CSMD1: variants seen among roughly 807,000 people sequenced by gnomAD.
The protein encoded by CSMD1 is CUB and Sushi multiple domains 1, also known as CUB and sushi domain-containing protein 1.
A neutral mutation model predicts 417.5 loss-of-function variants in CSMD1; 213 were observed. The ratio of observed to expected loss-of-function variants is 0.51; its 90% CI spans 0.46 to 0.57. CSMD1 has a LOEUF of 0.57. Among genes scored for constraint, CSMD1 ranks in the 20% least tolerant of loss-of-function variants. The pLI, the probability that CSMD1 is intolerant of heterozygous loss-of-function variation, is 0.00. For synonymous variants in CSMD1, 2,862 were observed against 1,736.8 expected (o/e 1.65, Z -16.11); for missense variants, 6,923 against 4,529.7 (o/e 1.53, Z -15.17).
intron 3 of CSMD1, among the ~76,000 whole-genome samples, chr8:4,054,019 T>C (rs1410400601): frequency 6.6e-6 from 1 of 152,204 alleles, no homozygotes; most frequent in East Asian, 1.9e-4. Flanking sequence ...TTCCCCAACA[T>C]GGCCACAGCT....
At chr8:3,723,098 A>G (rs968968982) in intron 6 of CSMD1, among the ~76,000 whole-genome samples, 2 of 152,112 alleles carry the variant, frequency 1.3e-5, no homozygotes, top group Non-Finnish European at 1.5e-5. Context: ...CCTTTTTGAC[A>G]TTCAGTCAGG....
At chr8:4,318,530 G>A (rs1002985891) in intron 3 of CSMD1, among the ~76,000 whole-genome samples, 3 of 152,004 alleles carry the variant, frequency 2.0e-5, no homozygotes, top group Non-Finnish European at 4.4e-5. Flanking sequence ...AGTAAGTACT[G>A]ATTAATAAAG....
chr8:3,554,006 TTTTA>T (rs1799031726), intron 10 of CSMD1, among the ~76,000 whole-genome samples: 1 of 151,724 alleles, frequency 6.6e-6, no homozygotes, highest in South Asian at 2.1e-4. Context: ...CTAGGACTGA[TTTTA>T]TTTTTCAAAA....
intron 28 of CSMD1, among the ~76,000 whole-genome samples, chr8:3,221,802 C>A (rs767810487): frequency 6.6e-6 from 1 of 152,118 alleles, no homozygotes; most frequent in Non-Finnish European, 1.5e-5. Context: ...ATGGAACATC[C>A]TCTCTCATCC....
At chr8:3,399,292 A>C (rs1009642984) in intron 16 of CSMD1, 99 bp downstream of exon 16, 21 of 1,216,940 alleles carry the variant, frequency 1.7e-5, no homozygotes, top group Non-Finnish European at 2.4e-5. Flanking sequence ...GCGGGAACCG[A>C]AAAAAACTGC....
chr8:3,229,026 A>G (rs968454099), intron 27 of CSMD1, among the ~76,000 whole-genome samples: 2 of 152,162 alleles, frequency 1.3e-5, no homozygotes, highest in African/African-American at 2.4e-5. Flanking sequence ...AAGGACAGCT[A>G]TCCAACCTCA....
At chr8:4,854,489 C>G (rs1036406108) in intron 1 of CSMD1, among the ~76,000 whole-genome samples, 2 of 151,910 alleles carry the variant, frequency 1.3e-5, no homozygotes, top group African/African-American at 4.8e-5. Flanking sequence ...TTCTGTATTT[C>G]CATCTGAGGT....
At chr8:3,248,257 A>G (rs138470540) in intron 26 of CSMD1, among the ~76,000 whole-genome samples, 9 of 152,332 alleles carry the variant, frequency 5.9e-5, no homozygotes, top group East Asian at 1.9e-4. Context: ...TTAACTTGCA[A>G]TTAGGGTGAT....
intron 9 of CSMD1, among the ~76,000 whole-genome samples, chr8:3,584,843 T>C (rs553663184): frequency 3.2e-4 from 49 of 152,298 alleles, no homozygotes; most frequent in Admixed American, 8.5e-4. Flanking sequence ...TCCTGTATAA[T>C]TGGGAGGCTT....
intron 7 of CSMD1, among the ~76,000 whole-genome samples, chr8:3,685,960 T>G (rs1799923792): frequency 6.6e-6 from 1 of 152,134 alleles, no homozygotes; most frequent in Non-Finnish European, 1.5e-5. Flanking sequence ...TTTACTATAT[T>G]CACCCTTTCC....
chr8:4,562,663 C>A lies in CSMD1; in HGVS notation c.302+74679G>T, dbSNP rs1451253700. On this transcript the variant is annotated intron_variant, in intron 2 of 69. Transcript: ENST00000635120. ...TGTCAGATTCTATGGAGATCCAACTCAAGAGCAAGTCACGCCACTGGTGTT... is the reference window on the plus strand; with the variant it reads ...TGTCAGATTCTATGGAGATCCAACTAAAGAGCAAGTCACGCCACTGGTGTT... 5.3e-5 allele frequency among the ~76,000 whole-genome samples: 8 copies of A among 152,186 alleles called. No individual in the cohort carries two copies. In the South Asian group the frequency reaches 1.7e-3, roughly 32 times the overall value.
intron 33 of CSMD1, among the ~76,000 whole-genome samples, chr8:3,196,998 C>G (rs780828026): frequency 6.6e-6 from 1 of 152,180 alleles, no homozygotes; most frequent in African/African-American, 2.4e-5. Context: ...ACACCTTCTT[C>G]TCTCATGCTT....
intron 41 of CSMD1, chr8:3,128,803 GT>G (rs755443473): frequency 1.4e-3 from 519 of 374,738 alleles, no homozygotes; most frequent in Admixed American, 3.2e-3. Flanking sequence ...TCGAGTTTTT[GT>G]TTTTTTTTTA....
intron 7 of CSMD1, among the ~76,000 whole-genome samples, chr8:3,666,525 C>CT (rs1048872195): frequency 3.3e-5 from 5 of 152,252 alleles, no homozygotes; most frequent in African/African-American, 9.6e-5. Flanking sequence ...TTCAACAAGC[C>CT]TTTTTTGAAA....
At chr8:4,250,109 G>A (rs944862811) in intron 3 of CSMD1, among the ~76,000 whole-genome samples, 3 of 152,158 alleles carry the variant, frequency 2.0e-5, no homozygotes, top group African/African-American at 7.2e-5. Context: ...GACTCAGCAA[G>A]AAAGCCCCTG....
At chr8:4,881,739 T>C (rs983986149) in intron 1 of CSMD1, among the ~76,000 whole-genome samples, 14 of 151,992 alleles carry the variant, frequency 9.2e-5, no homozygotes, top group African/African-American at 3.4e-4. Context: ...GCAGTGGTCT[T>C]TTTCTTTAGA....
chr8:3,262,994 T>A (rs748306193), intron 26 of CSMD1, among the ~76,000 whole-genome samples: 15 of 152,212 alleles, frequency 9.9e-5, no homozygotes, highest in Non-Finnish European at 1.9e-4. Context: ...GACATTACAG[T>A]TATTAAGCTA....
At chr8:3,210,972 G>A (rs1797570143) in intron 30 of CSMD1, among the ~76,000 whole-genome samples, 1 of 151,924 alleles carries the variant, frequency 6.6e-6, no homozygotes, top group African/African-American at 2.4e-5. Flanking sequence ...TGAAGTGGGG[G>A]AAAAATACAC....
chr8:4,779,332 A>G (rs148996562), intron 1 of CSMD1, among the ~76,000 whole-genome samples: 1 of 152,290 alleles, frequency 6.6e-6, no homozygotes, highest in East Asian at 1.9e-4. Context: ...AATCAAGGGA[A>G]ACTAACTCGA....
Sources: allele counts gnomAD v4.1 joint callset (sites outside exome capture counted in the v4.1 genomes callset), GRCh38; gene constraint gnomAD v4.1.1; transcripts MANE v1.5; gene names NCBI Gene and HGNC (gene_info 2026-07-23, HGNC 2026-07-21).